The following GPC5 variants were observed in gnomAD, a reference collection of about 807,000 sequenced individuals.
GPC5 encodes the protein glypican-5.
GPC5 carries 47 observed loss-of-function variants against 53.9 expected under a neutral mutation model. The ratio of observed to expected loss-of-function variants is 0.87; its 90% confidence interval spans 0.69 to 1.11. The LOEUF (loss-of-function observed/expected upper bound fraction) is 1.11, where lower values mean the gene tolerates loss of function less well. Ranked by LOEUF, GPC5 falls within the 50% of genes most tolerant of loss-of-function variation. GPC5 has a pLI of 0.00. For synonymous variants in GPC5, 286 were observed against 263.3 expected, an observed-to-expected ratio of 1.09 and a Z score of -0.84; for missense variants, 748 against 713.1, an observed-to-expected ratio of 1.05 and a Z score of -0.56.
chr13:92,397,015 G>A (rs1296887838), intron 7 of GPC5, among the ~76,000 whole-genome samples: 2 of 152,156 alleles, frequency 1.3e-5, no homozygotes, highest in Non-Finnish European at 2.9e-5. Flanking sequence ...ATGCCAAGAG[G>A]GGAGCTTTCT....
chr13:92,693,521 G>T (rs1035815067), intron 7 of GPC5, among the ~76,000 whole-genome samples: 1 of 152,180 alleles, frequency 6.6e-6, no homozygotes, highest in Non-Finnish European at 1.5e-5. Flanking sequence ...AAAGAGACTG[G>T]TGACATTTTG....
At chr13:91,503,174 C>T (rs1884740331) in intron 2 of GPC5, among the ~76,000 whole-genome samples, 1 of 151,864 alleles carries the variant, frequency 6.6e-6, no homozygotes, top group African/African-American at 2.4e-5. Context: ...AAATTCCAGG[C>T]ATGAGAAAGT....
At chr13:92,460,341 T>A (rs907978781) in intron 7 of GPC5, among the ~76,000 whole-genome samples, 5 of 152,162 alleles carry the variant, frequency 3.3e-5, no homozygotes, top group African/African-American at 1.2e-4. Flanking sequence ...ATGTGGCATG[T>A]ACAAGGCATA....
chr13:92,163,155 A>G (rs935182735), intron 7 of GPC5, among the ~76,000 whole-genome samples: 1 of 152,108 alleles, frequency 6.6e-6, no homozygotes, highest in African/African-American at 2.4e-5. Context: ...GAATAAAATG[A>G]AACTGATAAG....
intron 2 of GPC5, among the ~76,000 whole-genome samples, chr13:91,637,202 T>C (rs1461889237): frequency 6.6e-6 from 1 of 152,158 alleles, no homozygotes; most frequent in Non-Finnish European, 1.5e-5. Flanking sequence ...TTCTGGGACC[T>C]GGGAATGAAG....
chr13:92,807,763 G>C lies in GPC5; in HGVS notation c.1562-58519G>C, dbSNP rs74546816. 2.6e-5 allele frequency among the ~76,000 whole-genome samples: 4 copies of C among 152,196 alleles called. No homozygotes were observed. The East Asian group carries it at 5.8e-4, about 22-fold the overall frequency. On this transcript the variant is annotated intron_variant, in intron 7 of 7. Coordinates refer to ENST00000377067, the MANE Select transcript of GPC5 (RefSeq NM_004466.6). ...TTTACTTTATTGTTAAATTGGAATA[G>C]TAACACAATTTTTAAAAGACACAGT...
intron 7 of GPC5, among the ~76,000 whole-genome samples, chr13:92,307,784 A>T (rs1196239246): frequency 6.6e-6 from 1 of 152,262 alleles, no homozygotes; most frequent in African/African-American, 2.4e-5. Flanking sequence ...CACATACAGA[A>T]AATCTAAAAT....
chr13:91,776,429 G>A lies in GPC5; in HGVS notation c.1280+20009G>A, dbSNP rs1359270400. On this transcript the variant is annotated intron_variant, in intron 5 of 7. Coordinates refer to ENST00000377067, the MANE Select transcript of GPC5 (RefSeq NM_004466.6). ...TCCATCAATATTAGGATTATGTCTA[G>A]TTAATTAGAGTAGAGAACATTACTA... 3.3e-5 allele frequency among the ~76,000 whole-genome samples: 5 copies of A among 152,174 alleles called. No homozygotes were observed. In the East Asian group the frequency reaches 9.6e-4, roughly 29 times the overall value.
At chr13:92,555,139 G>C (rs1349639580) in intron 7 of GPC5, among the ~76,000 whole-genome samples, 1 of 151,164 alleles carries the variant, frequency 6.6e-6, no homozygotes, top group Admixed American at 6.6e-5. Flanking sequence ...GAAAATCATG[G>C]AATGTAAATT....
intron 2 of GPC5, among the ~76,000 whole-genome samples, chr13:91,580,239 A>T (rs1297190785): frequency 6.6e-6 from 1 of 151,940 alleles, no homozygotes; most frequent in African/African-American, 2.4e-5. Flanking sequence ...TTGAGTAGAG[A>T]CAGGGTTTCA....
At chr13:91,732,325 A>G (rs933113986) in intron 4 of GPC5, among the ~76,000 whole-genome samples, 1 of 149,500 alleles carries the variant, frequency 6.7e-6, no homozygotes, top group African/African-American at 2.5e-5. Context: ...GGCTGCATAA[A>G]TGTCTTCTCT....
At chr13:92,578,540 C>T (rs941700468) in intron 7 of GPC5, among the ~76,000 whole-genome samples, 9 of 152,120 alleles carry the variant, frequency 5.9e-5, no homozygotes, top group Non-Finnish European at 1.2e-4. Flanking sequence ...TAGCGTAATG[C>T]GGTCTGAGTC....
At chr13:92,810,911 G>A (rs373055229) in intron 7 of GPC5, among the ~76,000 whole-genome samples, 3 of 151,630 alleles carry the variant, frequency 2.0e-5, no homozygotes, top group Non-Finnish European at 4.4e-5. Context: ...TAGTAGAGAC[G>A]GGGTTTCACC....
intron 7 of GPC5, among the ~76,000 whole-genome samples, chr13:92,772,629 A>ATAGAG (rs1374354318): frequency 6.6e-6 from 1 of 152,100 alleles, no homozygotes; most frequent in Non-Finnish European, 1.5e-5. Context: ...ACTACCTGTC[A>ATAGAG]TAGAGTAGTT....
chr13:91,402,606 AT>A (rs1289160211), intron 1 of GPC5, among the ~76,000 whole-genome samples: 1 of 152,240 alleles, frequency 6.6e-6, no homozygotes, highest in Non-Finnish European at 1.5e-5. Flanking sequence ...AAATAGGAAT[AT>A]TCTTAAAAAG....
intron 6 of GPC5, among the ~76,000 whole-genome samples, chr13:92,137,746 T>C (rs2041796649): frequency 6.6e-6 from 1 of 152,104 alleles, no homozygotes; most frequent in Non-Finnish European, 1.5e-5. Context: ...CCACCTCGCC[T>C]CCCAAGAAGC....
At chr13:92,307,426 C>A (rs1326690625) in intron 7 of GPC5, among the ~76,000 whole-genome samples, 1 of 152,050 alleles carries the variant, frequency 6.6e-6, no homozygotes, top group East Asian at 1.9e-4. Context: ...GGCACTCCAG[C>A]CTGGGCAATA....
At chr13:91,781,638 T>C (rs955594194) in intron 5 of GPC5, among the ~76,000 whole-genome samples, 28 of 152,218 alleles carry the variant, frequency 1.8e-4, no homozygotes, top group Non-Finnish European at 4.4e-5. Context: ...GTTCATTTTG[T>C]CCCTTTTACC....
chr13:92,754,580 A>G (rs2139330734), intron 7 of GPC5, among the ~76,000 whole-genome samples: 1 of 151,714 alleles, frequency 6.6e-6, no homozygotes, highest in East Asian at 2.0e-4. Flanking sequence ...GTATTCAGGA[A>G]ACCCATCTCA....
Sources: gnomAD v4.1 joint callset for allele counts (sites outside exome capture counted in the v4.1 genomes callset) on GRCh38, gnomAD v4.1.1 for gene constraint, MANE v1.5 for transcripts, NCBI Gene and HGNC (gene_info 2026-07-23, HGNC 2026-07-21) for gene names.